Variants in HSD17B3 observed in about 807,000 individuals in gnomAD.
The protein encoded by HSD17B3 is hydroxysteroid 17-beta dehydrogenase 3.
A neutral mutation model predicts 41.1 loss-of-function variants in HSD17B3; 29 were observed. The observed-to-expected ratio is 0.71, with a 90% confidence interval of 0.53 to 0.96. The LOEUF is 0.96. HSD17B3 is among the 40% of genes least tolerant of loss of function. The pLI is 0.00. For missense variants in HSD17B3, 323 were observed against 374.6 expected (o/e 0.86, Z 1.14); for synonymous variants, 126 against 145.6 (o/e 0.87, Z 0.97).
Position 96,283,247 on chromosome 9 carries a change from CA to C in HSD17B3, c.201+15168del, listed in dbSNP as rs1170250435. On this transcript the variant is annotated intron_variant, in intron 2 of 10. Coordinates refer to ENST00000375263, the MANE Select transcript of HSD17B3 (RefSeq NM_000197.2). ...CTCAAACTCCTGACCTCAGGTGATC[CA>C]CCTGCCTCAATCTCCCAAAGTGCTG... Among the ~76,000 whole-genome samples the C allele has an allele frequency of 1.2e-4, 19 of 152,104 alleles. No individual in the cohort carries two copies. In the East Asian group the frequency reaches 3.5e-3, roughly 28 times the overall value.
intron 2 of HSD17B3, among the ~76,000 whole-genome samples, chr9:96,260,922 A>G (rs371504273): frequency 1.4e-4 from 21 of 152,148 alleles, no homozygotes; most frequent in Admixed American, 3.3e-4. Flanking sequence ...CTCACCTCAC[A>G]GTAAAGGAGA....
chr9:96,236,664 C>T (rs1836250118), intron 10 of HSD17B3, among the ~76,000 whole-genome samples: 1 of 152,026 alleles, frequency 6.6e-6, no homozygotes, highest in South Asian at 2.1e-4. Context: ...AAGTCAGTCA[C>T]AGAAAGGTAT....
Position 96,262,229 on chromosome 9 carries a change from C to CTT in HSD17B3, c.202-7288_202-7287dup, listed in dbSNP as rs71368240. On this transcript the variant is annotated intron_variant, in intron 2 of 10. Transcript: ENST00000375263. ...ACAGTGGTTGTAAACATGTCAATTG[C>CTT]TTTTTTTTTTTTTTTTTTTTTTTTT... Among the ~76,000 whole-genome samples, 88 of 54,210 alleles carry CTT rather than the reference C, an allele frequency of 1.6e-3. 12 individuals carry two copies. The highest frequency in any genetic ancestry group is 4.2e-3 in the African/African-American group (53 of 12,520). 35.6% of individuals were successfully genotyped at this position (54,210 alleles called of 152,430 possible).
chr9:96,246,143 A>G (rs977892041), intron 7 of HSD17B3, among the ~76,000 whole-genome samples: 3 of 152,246 alleles, frequency 2.0e-5, no homozygotes, highest in African/African-American at 7.2e-5. Flanking sequence ...AATATGGAAT[A>G]AGTGGAGGAG....
chr9:96,268,055 GC>G (rs1826105990), intron 2 of HSD17B3, among the ~76,000 whole-genome samples: 1 of 152,168 alleles, frequency 6.6e-6, no homozygotes, highest in Non-Finnish European at 1.5e-5. Flanking sequence ...CTCCCGAGTA[GC>G]TGGGACAACA....
At chr9:96,266,417 C>T (rs909002547) in intron 2 of HSD17B3, among the ~76,000 whole-genome samples, 2 of 152,090 alleles carry the variant, frequency 1.3e-5, no homozygotes, top group African/African-American at 4.8e-5. Flanking sequence ...AAACTACAGG[C>T]ATGCACCACC....
intron 2 of HSD17B3, among the ~76,000 whole-genome samples, chr9:96,256,036 T>C (rs1240943677): frequency 6.6e-6 from 1 of 151,972 alleles, no homozygotes. Flanking sequence ...AAAGTTAGAG[T>C]TTTTCCTGAA....
At chr9:96,256,640 C>T (rs1245591084) in intron 2 of HSD17B3, among the ~76,000 whole-genome samples, 1 of 151,960 alleles carries the variant, frequency 6.6e-6, no homozygotes, top group African/African-American at 2.4e-5. Flanking sequence ...CACTGTACTC[C>T]AGCCTGGGTG....
At chr9:96,272,222 A>G (rs1177761960) in intron 2 of HSD17B3, among the ~76,000 whole-genome samples, 1 of 150,638 alleles carries the variant, frequency 6.6e-6, no homozygotes, top group Non-Finnish European at 1.5e-5. Context: ...CACAAAAATG[A>G]GCCAGGTGTG....
chr9:96,255,367 CTTTTTTTTTTTTTTTTTTTTT>C lies in HSD17B3; in HGVS notation c.202-445_202-425del, dbSNP rs869145717. 5.3e-3 allele frequency among the ~76,000 whole-genome samples: 287 copies of C among 54,564 alleles called. 4 individuals are homozygous for C. The highest frequency in any genetic ancestry group is 0.015 in the African/African-American group (226 of 14,720). The allele number at this position is 54,564 out of a possible 152,430, so 35.8% of individuals were successfully genotyped here. A position where few individuals can be genotyped will look rare whatever the true frequency, so the allele number is the denominator to read the frequency against. On this transcript the variant is annotated intron_variant, in intron 2 of 10. Transcript: ENST00000375263. ...AAGCAGTGTTTCTGCCCCAACATTT[CTTTTTTTTTTTTTTTTTTTTT>C]TTTTTTTTTTTTTTTTTTTGCAATA...
intron 2 of HSD17B3, among the ~76,000 whole-genome samples, chr9:96,256,788 C>G (rs1053677358): frequency 1.3e-5 from 2 of 151,734 alleles, no homozygotes; most frequent in Non-Finnish European, 2.9e-5. Context: ...TCAGAATCAC[C>G]CAAGGAGAGG....
At chr9:96,236,158 ACT>A (rs2130696623) in intron 10 of HSD17B3, among the ~76,000 whole-genome samples, 1 of 151,802 alleles carries the variant, frequency 6.6e-6, no homozygotes, top group African/African-American at 2.4e-5. Flanking sequence ...TCCCTGACTT[ACT>A]TTTTCTCTTA....
chr9:96,244,224 G>C (rs1175033716), intron 9 of HSD17B3, 105 bp downstream of exon 9: 3 of 1,086,646 alleles, frequency 2.8e-6, no homozygotes, highest in Non-Finnish European at 4.3e-6. Context: ...ACCCACAGGA[G>C]GCAGTGGCCC....
At chr9:96,236,488 G>A (rs1836242903) in intron 10 of HSD17B3, among the ~76,000 whole-genome samples, 1 of 151,282 alleles carries the variant, frequency 6.6e-6, no homozygotes, top group Non-Finnish European at 1.5e-5. Context: ...TTGCACTCCA[G>A]CCTGGGTGAC....
chr9:96,287,317 G>A (rs1285797316), intron 2 of HSD17B3, among the ~76,000 whole-genome samples: 1 of 152,184 alleles, frequency 6.6e-6, no homozygotes, highest in East Asian at 1.9e-4. Flanking sequence ...AGGTGAGACC[G>A]AACACACCAA....
At chr9:96,276,130 A>AAAAAAAAAAAAAAAAAAAAAT (rs1826449394) in intron 2 of HSD17B3, among the ~76,000 whole-genome samples, 1 of 111,040 alleles carries the variant, frequency 9.0e-6, no homozygotes, top group Non-Finnish European at 2.4e-5. Flanking sequence ...AAAAAAAAAA[A>AAAAAAAAAAAAAAAAAAAAAT]AACAGAAGAA....
At chr9:96,270,830 G>A (rs1178501708) in intron 2 of HSD17B3, among the ~76,000 whole-genome samples, 2 of 151,862 alleles carry the variant, frequency 1.3e-5, no homozygotes, top group Non-Finnish European at 2.9e-5. Context: ...TTGTATTTTG[G>A]TTCTAGCATT....
intron 2 of HSD17B3, among the ~76,000 whole-genome samples, chr9:96,264,681 G>A (rs909017621): frequency 9.2e-5 from 14 of 152,102 alleles, no homozygotes; most frequent in African/African-American, 3.1e-4. Context: ...CCCCCACACT[G>A]CGTCTGGCCT....
At chr9:96,298,288 G>C (rs1827440983) in intron 2 of HSD17B3, 128 bp downstream of exon 2, 1 of 796,502 alleles carries the variant, frequency 1.3e-6, no homozygotes, top group Admixed American at 1.7e-5. Flanking sequence ...CTTTTCCATA[G>C]AGTATATTTT....
Sources: gnomAD v4.1 joint callset for allele counts (sites outside exome capture counted in the v4.1 genomes callset) on GRCh38, gnomAD v4.1.1 for gene constraint, MANE v1.5 for transcripts, NCBI Gene and HGNC (gene_info 2026-07-23, HGNC 2026-07-21) for gene names.